APCDD1L: variants seen among roughly 807,000 people sequenced by gnomAD.
The protein encoded by APCDD1L is APC down-regulated 1 like, also known as protein APCDD1-like.
In APCDD1L, 21 loss-of-function variants were observed where a neutral mutation model predicts 24.2. The ratio of observed to expected loss-of-function variants is 0.87; its 90% CI spans 0.61 to 1.25. The LOEUF (loss-of-function observed/expected upper bound fraction) is 1.25, where lower values mean the gene tolerates loss of function less well. Among genes scored for constraint, APCDD1L ranks in the 50% most tolerant of loss-of-function variants. The pLI is 0.00. For synonymous variants in APCDD1L, 321 were observed against 323.6 expected (o/e 0.99, Z 0.09); for missense variants, 704 against 711.7 (o/e 0.99, Z 0.12).
intron 1 of APCDD1L, among the ~76,000 whole-genome samples, chr20:58,500,508 A>T (rs2123184486): frequency 6.6e-6 from 1 of 152,310 alleles, no homozygotes; most frequent in African/African-American, 2.4e-5. Flanking sequence ...CACCTGGCCC[A>T]TAGCAGGTCC....
At chr20:58,465,352 G>A (rs1033172497) in intron 3 of APCDD1L, among the ~76,000 whole-genome samples, 1 of 152,008 alleles carries the variant, frequency 6.6e-6, no homozygotes, top group Middle Eastern at 3.2e-3. Context: ...GGGAAGGGGA[G>A]GAAGGCAGGC....
At chr20:58,481,813 G>A (rs911824332) in intron 1 of APCDD1L, among the ~76,000 whole-genome samples, 1 of 152,192 alleles carries the variant, frequency 6.6e-6, no homozygotes, top group Non-Finnish European at 1.5e-5. Flanking sequence ...AGCCCACCAA[G>A]GCCAGCTCTG....
Position 58,465,977 on chromosome 20 carries a change from G to A in APCDD1L, c.741+1129C>T, listed in dbSNP as rs982278107. 9.2e-5 allele frequency among the ~76,000 whole-genome samples: 14 copies of A among 152,026 alleles called. No individual in the cohort carries two copies. In the South Asian group the frequency reaches 2.9e-3, roughly 32 times the overall value. ...TTTAAAAACAGATTTTCTGAGGGGG[G>A]TTCCTTAGGCTTCACCAGCCACCAG... On this transcript the variant is annotated intron_variant, in intron 3 of 3. Coordinates refer to ENST00000371149, the MANE Select transcript of APCDD1L (RefSeq NM_153360.3).
At chr20:58,498,935 G>A (rs888341738) in intron 1 of APCDD1L, among the ~76,000 whole-genome samples, 2 of 152,212 alleles carry the variant, frequency 1.3e-5, no homozygotes, top group African/African-American at 4.8e-5. Flanking sequence ...TCCCACGTCT[G>A]TGGGTGGCTG....
In APCDD1L at chr20:58,461,162, G is replaced by A. The variant is rs755184057; in HGVS notation, c.1134C>T (p.Ser378=). The change falls in exon 4 of 4, where the codon AGC becomes AGT. Residue 378 remains serine (S), a synonymous_variant. Coordinates refer to ENST00000371149, the MANE Select transcript of APCDD1L (RefSeq NM_153360.3). The surrounding 1 kb of genome is among the most constrained non-coding windows in gnomAD (Gnocchi z 6.0). ...TAMLNFSEPS[S]CGGAGAWSMG... is the part of the protein sequence containing the mutation. ...TGGACCAGGCCCCCGCACCCCCACA[G>A]CTGCTTGGCTCAGAGAAGTTGAGCA... is the stretch of plus-strand genomic sequence containing the variant. 1 of 1,612,932 alleles carries A rather than the reference G, an allele frequency of 6.2e-7. No homozygotes were observed. The highest frequency in any genetic ancestry group is 8.5e-7 in the Non-Finnish European group (1 of 1,179,382).
intron 2 of APCDD1L, among the ~76,000 whole-genome samples, chr20:58,469,258 T>C (rs1466839851): frequency 1.3e-5 from 2 of 152,134 alleles, no homozygotes; most frequent in Non-Finnish European, 2.9e-5. Context: ...TTTTAGTAAA[T>C]AAAAGCAAGT....
intron 1 of APCDD1L, among the ~76,000 whole-genome samples, chr20:58,505,657 G>A (rs1990517058): frequency 6.6e-6 from 1 of 152,080 alleles, no homozygotes; most frequent in African/African-American, 2.4e-5. Context: ...GGGCCCTTTG[G>A]ATACAACACT....
chr20:58,502,880 G>T (rs568325195), intron 1 of APCDD1L, among the ~76,000 whole-genome samples: 6 of 152,116 alleles, frequency 3.9e-5, no homozygotes, highest in Admixed American at 3.9e-4. Context: ...ATTATTCCAC[G>T]TTCTTGTTGA....
At chr20:58,504,240 G>T (rs1990494005) in intron 1 of APCDD1L, among the ~76,000 whole-genome samples, 1 of 152,146 alleles carries the variant, frequency 6.6e-6, no homozygotes, top group African/African-American at 2.4e-5. Flanking sequence ...CCCTGGCTTT[G>T]GTAAAGGATC....
intron 1 of APCDD1L, 128 bp downstream of exon 1, chr20:58,514,531 C>A (rs895907184): frequency 4.2e-6 from 4 of 962,432 alleles, no homozygotes; most frequent in Non-Finnish European, 5.5e-6. Flanking sequence ...GCGCGCAGGG[C>A]GCAGCATAGC....
intron 1 of APCDD1L, among the ~76,000 whole-genome samples, chr20:58,498,555 T>C (rs574793135): frequency 2.6e-5 from 4 of 152,280 alleles, no homozygotes; most frequent in South Asian, 4.1e-4. Context: ...GGGAAGCTGA[T>C]AGGGACCACT....
At chr20:58,487,762 AT>A (rs1250359293) in intron 1 of APCDD1L, among the ~76,000 whole-genome samples, 1 of 152,234 alleles carries the variant, frequency 6.6e-6, no homozygotes, top group African/African-American at 2.4e-5. Context: ...CCAAGAAAAG[AT>A]GGCCATATCA....
intron 1 of APCDD1L, among the ~76,000 whole-genome samples, chr20:58,481,571 G>C (rs1386824864): frequency 6.6e-6 from 1 of 152,168 alleles, no homozygotes; most frequent in Non-Finnish European, 1.5e-5. Flanking sequence ...GAGTACCCTT[G>C]GATCTGAGAC....
At chr20:58,501,183 T>C (rs1164676490) in intron 1 of APCDD1L, among the ~76,000 whole-genome samples, 2 of 152,244 alleles carry the variant, frequency 1.3e-5, no homozygotes. Context: ...CTACAGTGTC[T>C]ACCTTTAAAT....
At chr20:58,477,404 G>T (rs1350364684) in intron 1 of APCDD1L, among the ~76,000 whole-genome samples, 1 of 152,164 alleles carries the variant, frequency 6.6e-6, no homozygotes, top group Non-Finnish European at 1.5e-5. Context: ...CTTAGTTTGG[G>T]ATGGTCTGAT....
At chr20:58,502,316 G>C (rs888952495) in intron 1 of APCDD1L, among the ~76,000 whole-genome samples, 3 of 152,130 alleles carry the variant, frequency 2.0e-5, no homozygotes, top group African/African-American at 7.2e-5. Flanking sequence ...GGCCAGGCTG[G>C]TCTTGAACTC....
Position 58,461,613 on chromosome 20 carries a change from C to T in APCDD1L, c.742-59G>A, listed in dbSNP as rs1989612692. On this transcript the variant is annotated intron_variant, in intron 3 of 3. Transcript: ENST00000371149. The surrounding 1 kb of genome is among the most constrained non-coding windows in gnomAD (Gnocchi z 6.0). ...CCCACATAGAGAAGTTGGGGTGCAG[C>T]CTGGAAAGGAACCCCAGCTCTGTAG... is the stretch of plus-strand genomic sequence containing the variant. 7.2e-7 allele frequency: 1 copy of T among 1,381,028 alleles called. No homozygotes were observed. The highest frequency in any genetic ancestry group is 9.4e-7 in the Non-Finnish European group (1 of 1,061,240). 85.5% of individuals were successfully genotyped at this position (1,381,028 alleles called of 1,614,324 possible).
chr20:58,501,722 A>C (rs1345420024), intron 1 of APCDD1L, among the ~76,000 whole-genome samples: 1 of 152,204 alleles, frequency 6.6e-6, no homozygotes, highest in Non-Finnish European at 1.5e-5. Flanking sequence ...CCCTACAGAT[A>C]TAACCAAGCC....
intron 1 of APCDD1L, among the ~76,000 whole-genome samples, chr20:58,487,729 C>T (rs1333680943): frequency 6.6e-6 from 1 of 152,156 alleles, no homozygotes; most frequent in Non-Finnish European, 1.5e-5. Flanking sequence ...TAAAGGTGGT[C>T]ACTCCACAAA....
Sources: gnomAD v4.1 joint callset for allele counts (sites outside exome capture counted in the v4.1 genomes callset) on GRCh38, gnomAD v4.1.1 for gene constraint, Gnocchi (gnomAD v3.1) non-coding constraint, MANE v1.5 for transcripts, NCBI Gene and HGNC (gene_info 2026-07-23, HGNC 2026-07-21) for gene names.